Variants in DENND4A observed in about 807,000 individuals in gnomAD.
The protein encoded by DENND4A is DENN domain containing 4A, also known as C-myc promoter-binding protein.
In DENND4A, 70 loss-of-function variants were observed where a neutral mutation model predicts 199.3. The observed-to-expected ratio is 0.35, with a 90% CI of 0.29 to 0.43. DENND4A has a LOEUF of 0.43. Ranked by LOEUF, DENND4A falls within the 20% of genes least tolerant of loss-of-function variation. The pLI is 1.00. For synonymous variants in DENND4A, 686 were observed against 766.9 expected, an observed-to-expected ratio of 0.89 and a Z score of 1.74; for missense variants, 1,723 against 2,255.8, an observed-to-expected ratio of 0.76 and a Z score of 4.78.
chr15:65,742,684 C>A (rs2076291224), intron 4 of DENND4A, among the ~76,000 whole-genome samples: 1 of 152,190 alleles, frequency 6.6e-6, no homozygotes, highest in Admixed American at 6.5e-5. Flanking sequence ...GGTGATCTGT[C>A]CGCCTCGGCC....
At chr15:65,703,038 A>G (rs1415231126) in intron 15 of DENND4A, 30 bp from the exon 16 acceptor site, 1 of 1,601,370 alleles carries the variant, frequency 6.2e-7, no homozygotes, top group Admixed American at 1.7e-5. Context: ...ACAAAACAAA[A>G]AAGAGTTCTC....
At chr15:65,746,081 C>T (rs1244662320) in intron 4 of DENND4A, among the ~76,000 whole-genome samples, 6 of 150,394 alleles carry the variant, frequency 4.0e-5, no homozygotes, top group East Asian at 2.0e-4. Context: ...GCGGAGGTTG[C>T]GGTGTGCAGA....
chr15:65,746,267 T>C (rs1026530632), intron 4 of DENND4A, among the ~76,000 whole-genome samples: 3 of 151,874 alleles, frequency 2.0e-5, no homozygotes, highest in Non-Finnish European at 1.5e-5. Context: ...ATCCACATTG[T>C]GGTTTGCCAC....
intron 3 of DENND4A, among the ~76,000 whole-genome samples, chr15:65,753,251 A>T (rs1461678385): frequency 2.0e-5 from 3 of 152,244 alleles, no homozygotes; most frequent in Admixed American, 6.5e-5. Context: ...ACTAAAAAAA[A>T]TAGTGCTTAA....
chr15:65,740,976 T>G (rs2076246929), intron 5 of DENND4A, among the ~76,000 whole-genome samples: 1 of 151,512 alleles, frequency 6.6e-6, no homozygotes, highest in Non-Finnish European at 1.5e-5. Flanking sequence ...CCAAAAAAAA[T>G]CAAATGTAAA....
At chr15:65,667,008 T>C (rs1216306630) in intron 29 of DENND4A, among the ~76,000 whole-genome samples, 1 of 152,118 alleles carries the variant, frequency 6.6e-6, no homozygotes, top group African/African-American at 2.4e-5. Flanking sequence ...AACAATTCTA[T>C]TTATCTAATG....
chr15:65,700,937 T>C (rs779549996), intron 19 of DENND4A, 114 bp downstream of exon 19: 1 of 1,265,886 alleles, frequency 7.9e-7, no homozygotes, highest in South Asian at 1.5e-5. Flanking sequence ...ATTTGCTTAA[T>C]AAAACTAAAA....
intron 4 of DENND4A, among the ~76,000 whole-genome samples, chr15:65,748,562 A>G (rs2076474266): frequency 6.6e-6 from 1 of 151,676 alleles, no homozygotes; most frequent in African/African-American, 2.4e-5. Flanking sequence ...GAGGCTACAA[A>G]GAGCTATGAT....
chr15:65,703,006 T>C lies in DENND4A; in HGVS notation c.2090A>G (p.Tyr697Cys), dbSNP rs1251520035. The change falls in exon 16 of 33, where the codon TAT (tyrosine) becomes TGT (cysteine). Residue 697 changes from tyrosine to cysteine, a missense_variant and splice_region_variant. Physicochemically the swap from Tyr to Cys is radical, Grantham distance 194. Coordinates refer to ENST00000443035, the MANE Select transcript of DENND4A (RefSeq NM_001320835.1). ...GTTCCTAAGAACTGGAAATCCATTA[T>C]AGCTGTTTTAGAAAAAACAAAACAA... The part of the protein sequence containing the change: ...NGEEPPLQYS[Y>C]NGFPVLRNNL... 1.9e-6 allele frequency: 3 copies of C among 1,610,776 alleles called. No homozygotes were observed. The highest frequency in any genetic ancestry group is 1.1e-5 in the South Asian group (1 of 90,850).
chr15:65,706,052 TTC>T (rs779037145), intron 15 of DENND4A, 37 bp downstream of exon 15: 19 of 1,473,746 alleles, frequency 1.3e-5, no homozygotes, highest in Non-Finnish European at 1.4e-5. Context: ...GATGGATTGC[TTC>T]TCTCTTTCAA....
At chr15:65,709,625 C>T (rs1045960283) in intron 14 of DENND4A, among the ~76,000 whole-genome samples, 7 of 136,668 alleles carry the variant, frequency 5.1e-5, no homozygotes, top group East Asian at 2.3e-4. Context: ...ACCCAGGAGA[C>T]GGAGGTTGCG....
rs1320513292 is a variant in DENND4A, at chr15:65,659,317, TTC to T, written c.*2532_*2533del. On this transcript the variant is annotated 3_prime_UTR_variant, in exon 33 of 33. Coordinates refer to ENST00000443035, the MANE Select transcript of DENND4A (RefSeq NM_001320835.1). Reference sequence around the variant, plus strand: ...AGAGTTATTTTAAATGATTGATATTTTCTGGTTTTTTTTTTTTTTTTTTTTTT... The same window carrying T: ...AGAGTTATTTTAAATGATTGATATTTTGGTTTTTTTTTTTTTTTTTTTTTT... 17 of 138,186 alleles carry T rather than the reference TTC, an allele frequency of 1.2e-4. No homozygotes were observed. The highest frequency in any genetic ancestry group is 3.7e-4 in the African/African-American group (13 of 35,160). 8.6% of individuals were successfully genotyped at this position (138,186 alleles called of 1,614,324 possible).
chr15:65,755,472 C>T (rs891227465), intron 3 of DENND4A, among the ~76,000 whole-genome samples: 1 of 152,086 alleles, frequency 6.6e-6, no homozygotes, highest in African/African-American at 2.4e-5. Context: ...GTTAACAATC[C>T]ATCTATAATG....
chr15:65,695,084 C>T (rs1357934842), intron 22 of DENND4A, among the ~76,000 whole-genome samples: 1 of 152,140 alleles, frequency 6.6e-6, no homozygotes, highest in Non-Finnish European at 1.5e-5. Flanking sequence ...AACTCTATGA[C>T]ATTGAGGAAA....
At chr15:65,664,899 A>C in intron 30 of DENND4A, 177 bp from the exon 31 acceptor site, 1 of 569,968 alleles carries the variant, frequency 1.8e-6, no homozygotes, top group East Asian at 3.0e-5. Context: ...ATAATGACAA[A>C]AAAAGGTCTA....
At chr15:65,676,141 A>AAAAAAAATATATAT (rs1362535499) in intron 24 of DENND4A, among the ~76,000 whole-genome samples, 22 of 110,448 alleles carry the variant, frequency 2.0e-4, no homozygotes, top group African/African-American at 6.7e-4. Context: ...AATAAGGAAA[A>AAAAAAAATATATAT]ATATATATAT....
At chr15:65,700,923 TATA>T in intron 19 of DENND4A, 125 bp downstream of exon 19, 1 of 1,097,052 alleles carries the variant, frequency 9.1e-7, no homozygotes, top group Non-Finnish European at 1.3e-6. Flanking sequence ...GGAAGAGTAA[TATA>T]ATTTGCTTAA....
At chr15:65,764,915 T>G (rs888748489) in intron 1 of DENND4A, among the ~76,000 whole-genome samples, 3 of 142,228 alleles carry the variant, frequency 2.1e-5, no homozygotes, top group African/African-American at 8.0e-5. Context: ...GAGGCTGCAG[T>G]GAGCTATGAT....
chr15:65,663,122 AT>A (rs1444043072), intron 32 of DENND4A, among the ~76,000 whole-genome samples: 1 of 150,908 alleles, frequency 6.6e-6, no homozygotes, highest in African/African-American at 2.4e-5. Context: ...TCCCAATGCC[AT>A]TTAATAGTCT....
Sources: gnomAD v4.1 joint callset for allele counts (sites outside exome capture counted in the v4.1 genomes callset) on GRCh38, gnomAD v4.1.1 for gene constraint, MANE v1.5 for transcripts, NCBI Gene and HGNC (gene_info 2026-07-23, HGNC 2026-07-21) for gene names.